Variants in SGMS2 observed in about 807,000 individuals in gnomAD.
SGMS2 encodes the protein sphingomyelin synthase 2, also known as phosphatidylcholine:ceramide cholinephosphotransferase 2.
Under a neutral mutation model 43.8 loss-of-function variants are expected in SGMS2, and 21 were observed. The ratio of observed to expected loss-of-function variants is 0.48; its 90% CI spans 0.34 to 0.69. The LOEUF is 0.69. SGMS2 is among the 30% of genes least tolerant of loss of function. SGMS2 has a pLI of 0.01. For missense variants in SGMS2, 384 were observed against 443.2 expected (o/e 0.87, Z 1.20); for synonymous variants, 167 against 160.6 (o/e 1.04, Z -0.30).
At chr4:107,873,719 C>T (rs967415954) in intron 2 of SGMS2, among the ~76,000 whole-genome samples, 5 of 152,032 alleles carry the variant, frequency 3.3e-5, no homozygotes, top group East Asian at 1.9e-4. Context: ...TTGCCACAGT[C>T]GAAATATTTC....
At chr4:107,874,616 A>G (rs781246186) in intron 2 of SGMS2, among the ~76,000 whole-genome samples, 65 of 152,312 alleles carry the variant, frequency 4.3e-4, no homozygotes, top group Middle Eastern at 3.4e-3. Flanking sequence ...TTTTTTAAGT[A>G]TACAAACTTT....
At chr4:107,829,983 G>A (rs1179414677) in intron 1 of SGMS2, among the ~76,000 whole-genome samples, 1 of 152,120 alleles carries the variant, frequency 6.6e-6, no homozygotes, top group Non-Finnish European at 1.5e-5. Flanking sequence ...TTGTCACTCA[G>A]ATAGCATAGT....
chr4:107,881,150 A>G (rs771025505), intron 2 of SGMS2, among the ~76,000 whole-genome samples: 2 of 152,134 alleles, frequency 1.3e-5, no homozygotes, highest in Non-Finnish European at 1.5e-5. Context: ...ACAAAATTAT[A>G]AAGACTGAAG....
At chr4:107,839,510 A>G (rs58542197) in intron 1 of SGMS2, among the ~76,000 whole-genome samples, 6,165 of 152,124 alleles carry the variant, frequency 0.041, 428 homozygotes, top group African/African-American at 0.14. Flanking sequence ...TATTCCTTTA[A>G]GTGGAGGGGT....
chr4:107,892,725 G>T lies in SGMS2; in HGVS notation c.-244-2585G>T, dbSNP rs554986198. Reference sequence around the variant, plus strand: ...GGTCATAGGTAGATAAGAGATAAATGGTTGCATTCTTTTGGGTTTCTGATT... The same window carrying T: ...GGTCATAGGTAGATAAGAGATAAATTGTTGCATTCTTTTGGGTTTCTGATT... On this transcript the variant is annotated intron_variant, in intron 2 of 6. Coordinates refer to ENST00000690982, the MANE Select transcript of SGMS2 (RefSeq NM_001375905.1). 3.9e-5 allele frequency among the ~76,000 whole-genome samples: 6 copies of T among 152,186 alleles called. No individual in the cohort carries two copies. The South Asian group carries it at 1.2e-3, about 32-fold the overall frequency.
Position 107,896,002 on chromosome 4 carries a change from G to A in SGMS2, c.449G>A (p.Arg150Lys), listed in dbSNP as rs1019997577. The change falls in exon 3 of 7, where the codon AGA (arginine) becomes AAA (lysine). Residue 150 changes from arginine to lysine, a missense_variant. Transcript: ENST00000690982. ...GLWITQWLFLRYKSIVGRRFC... is the reference protein window; with the variant it reads ...GLWITQWLFLKYKSIVGRRFC... Reference sequence around the variant, plus strand: ...TGGATCACCCAGTGGCTGTTTCTGAGATACAAGTAAGTAAATCTAATGTTT... The same window carrying A: ...TGGATCACCCAGTGGCTGTTTCTGAAATACAAGTAAGTAAATCTAATGTTT... 5 of 1,607,468 alleles carry A rather than the reference G, an allele frequency of 3.1e-6. No homozygotes were observed. Among genetic ancestry groups the A allele is most frequent in the Admixed American group, 3.4e-5 (2 of 59,616 alleles).
intron 1 of SGMS2, among the ~76,000 whole-genome samples, chr4:107,855,775 A>G (rs935237505): frequency 6.6e-6 from 1 of 152,300 alleles, no homozygotes; most frequent in South Asian, 2.1e-4. Flanking sequence ...TCCATTGCCA[A>G]AAGTGGGGTG....
intron 4 of SGMS2, 127 bp from the exon 5 acceptor site, chr4:107,903,106 T>G (rs1320037395): frequency 3.5e-6 from 3 of 855,190 alleles, no homozygotes; most frequent in Non-Finnish European, 5.7e-6. Flanking sequence ...GGATTCTTTT[T>G]GACTTTCTAG....
chr4:107,830,552 A>C (rs1725835138), intron 1 of SGMS2, among the ~76,000 whole-genome samples: 1 of 151,966 alleles, frequency 6.6e-6, no homozygotes, highest in African/African-American at 2.4e-5. Flanking sequence ...ATGTTTTTTG[A>C]CTTTTTAATA....
chr4:107,896,701 G>A (rs1441241742), intron 3 of SGMS2, among the ~76,000 whole-genome samples: 2 of 152,046 alleles, frequency 1.3e-5, no homozygotes, highest in East Asian at 3.9e-4. Flanking sequence ...CCTCATTTTT[G>A]GAATAGTAGG....
intron 2 of SGMS2, among the ~76,000 whole-genome samples, chr4:107,865,994 G>A (rs1476485750): frequency 6.6e-5 from 10 of 152,296 alleles, no homozygotes; most frequent in African/African-American, 2.4e-4. Context: ...CCCCTTATTT[G>A]AGAATGTGAT....
intron 1 of SGMS2, among the ~76,000 whole-genome samples, chr4:107,844,713 A>G (rs1321746073): frequency 6.6e-6 from 1 of 152,296 alleles, no homozygotes; most frequent in Admixed American, 6.5e-5. Context: ...CTCCAAAAAA[A>G]TGTGTCTATT....
chr4:107,862,975 G>A (rs59075044), intron 2 of SGMS2, among the ~76,000 whole-genome samples: 6,501 of 152,240 alleles, frequency 0.043, 458 homozygotes, highest in African/African-American at 0.15. Flanking sequence ...AGAGCTTCTC[G>A]CTTATGTGTT....
At chr4:107,883,924 T>G (rs1178524063) in intron 2 of SGMS2, among the ~76,000 whole-genome samples, 1 of 152,234 alleles carries the variant, frequency 6.6e-6, no homozygotes, top group African/African-American at 2.4e-5. Flanking sequence ...ATGATTTGTC[T>G]TTAGTAAAAA....
chr4:107,902,805 C>G (rs1273877858), intron 4 of SGMS2, among the ~76,000 whole-genome samples: 2 of 151,778 alleles, frequency 1.3e-5, no homozygotes, highest in Non-Finnish European at 2.9e-5. Context: ...TTTAGGCTGC[C>G]CACCTAATAC....
rs146897815 is a variant in SGMS2 at position 107,852,129 on chromosome 4, C to T, written c.-326-6343C>T. ...TTTCACCCAGGCTGGATTGCAGTGG[C>T]GCGATCTCGGCTCGCTGCAAGGTCC... On this transcript the variant is annotated intron_variant, in intron 1 of 6. Coordinates refer to ENST00000690982, the MANE Select transcript of SGMS2 (RefSeq NM_001375905.1). Among the ~76,000 whole-genome samples, 1,503 of 151,002 alleles carry T rather than the reference C, an allele frequency of 1.0e-2. 31 individuals carry two copies. The highest frequency in any genetic ancestry group is 0.035 in the African/African-American group (1,435 of 41,090).
At chr4:107,844,988 T>C (rs1341138835) in intron 1 of SGMS2, among the ~76,000 whole-genome samples, 1 of 152,146 alleles carries the variant, frequency 6.6e-6, no homozygotes, top group Non-Finnish European at 1.5e-5. Flanking sequence ...GTAGCTCTCC[T>C]AGAAAAGAGG....
At chr4:107,899,914 T>G (rs576780697) in intron 4 of SGMS2, among the ~76,000 whole-genome samples, 42 of 152,250 alleles carry the variant, frequency 2.8e-4, no homozygotes, top group Admixed American at 9.2e-4. Context: ...AAAATTACCA[T>G]TGGGGGTTTG....
At position 107,855,576 on chromosome 4, in the gene SGMS2, T is replaced by A. The variant is rs544273277; in HGVS notation, c.-326-2896T>A. The stretch of plus-strand genomic sequence containing the variant: ...TGGATATAATAGTGACTTTTTTGAA[T>A]TTGTGGAGACTTGTTTTGTGGTCTA... On this transcript the variant is annotated intron_variant, in intron 1 of 6. Coordinates refer to ENST00000690982, the MANE Select transcript of SGMS2 (RefSeq NM_001375905.1). 2.0e-5 allele frequency among the ~76,000 whole-genome samples: 3 copies of A among 152,324 alleles called. No homozygotes were observed. The South Asian group carries it at 6.2e-4, about 32-fold the overall frequency.
Sources: gnomAD v4.1 joint callset for allele counts (sites outside exome capture counted in the v4.1 genomes callset) on GRCh38, gnomAD v4.1.1 for gene constraint, MANE v1.5 for transcripts, NCBI Gene and HGNC (gene_info 2026-07-23, HGNC 2026-07-21) for gene names.